ST6GAL2: variants seen among roughly 807,000 people sequenced by gnomAD.
ST6GAL2 encodes the protein ST6 beta-galactoside alpha-2,6-sialyltransferase 2.
Under a neutral mutation model 37.5 loss-of-function variants are expected in ST6GAL2, and 24 were observed. The observed-to-expected ratio is 0.64, with a 90% confidence interval of 0.46 to 0.90. ST6GAL2 has a LOEUF of 0.90. ST6GAL2 is among the 40% of genes least tolerant of loss of function. ST6GAL2 has a pLI of 0.00. For missense variants in ST6GAL2, 715 were observed against 712.7 expected (o/e 1.00, Z -0.04); for synonymous variants, 306 against 295.1 (o/e 1.04, Z -0.38).
At chr2:106,863,208 G>T (rs1357866499) in intron 1 of ST6GAL2, among the ~76,000 whole-genome samples, 1 of 152,122 alleles carries the variant, frequency 6.6e-6, no homozygotes, top group East Asian at 1.9e-4. Context: ...AGGACAGGTT[G>T]CCTGGCTCAC....
intron 1 of ST6GAL2, among the ~76,000 whole-genome samples, chr2:106,873,373 G>C (rs923117950): frequency 6.6e-6 from 1 of 152,162 alleles, no homozygotes; most frequent in Non-Finnish European, 1.5e-5. Context: ...CTCCCCCTGG[G>C]GCAGAAGTAC....
intron 1 of ST6GAL2, among the ~76,000 whole-genome samples, chr2:106,853,358 A>G (rs1677451571): frequency 6.6e-6 from 1 of 152,216 alleles, no homozygotes; most frequent in African/African-American, 2.4e-5. Context: ...CAAAGAGACT[A>G]CAGGTGTTAG....
intron 2 of ST6GAL2, among the ~76,000 whole-genome samples, chr2:106,838,365 G>A (rs1053381143): frequency 2.0e-5 from 3 of 152,170 alleles, no homozygotes; most frequent in Admixed American, 6.5e-5. Context: ...CTACACTGAT[G>A]AGAAAATTCA....
At chr2:106,860,806 T>C (rs566943075) in intron 1 of ST6GAL2, among the ~76,000 whole-genome samples, 12 of 152,334 alleles carry the variant, frequency 7.9e-5, no homozygotes, top group African/African-American at 2.9e-4. Context: ...CCCTCACAAA[T>C]GGTTTTGGCT....
At chr2:106,840,979 C>A (rs1676857308) in intron 2 of ST6GAL2, among the ~76,000 whole-genome samples, 1 of 152,130 alleles carries the variant, frequency 6.6e-6, no homozygotes, top group African/African-American at 2.4e-5. Flanking sequence ...ACCCCGGGGA[C>A]CTCTAAACCA....
At chr2:106,857,954 G>C (rs933674790) in intron 1 of ST6GAL2, among the ~76,000 whole-genome samples, 2 of 152,174 alleles carry the variant, frequency 1.3e-5, no homozygotes, top group Admixed American at 1.3e-4. Flanking sequence ...GATACTACTA[G>C]ATTATGAGCA....
chr2:106,804,737 G>A lies in ST6GAL2; in HGVS notation c.*1941C>T, dbSNP rs1175325200. ...GTGCCTGTAGTCCCCAGCTACTCAG[G>A]AGGCTGAGGCAGGAGAATGGTGTGA... is the stretch of plus-strand genomic sequence containing the variant. On this transcript the variant is annotated 3_prime_UTR_variant, in exon 6 of 6. Transcript: ENST00000409382. The A allele has an allele frequency of 6.6e-6, 1 of 151,444 alleles. No individual in the cohort carries two copies. Among genetic ancestry groups the A allele is most frequent in the Admixed American group, 6.6e-5 (1 of 15,192 alleles). 9.4% of individuals were successfully genotyped at this position (151,444 alleles called of 1,614,324 possible). A position where few individuals can be genotyped will look rare whatever the true frequency, so the allele number is the denominator to read the frequency against.
At chr2:106,858,096 A>G (rs1293188633) in intron 1 of ST6GAL2, among the ~76,000 whole-genome samples, 2 of 152,150 alleles carry the variant, frequency 1.3e-5, no homozygotes, top group East Asian at 3.9e-4. Flanking sequence ...AGCAGCATAA[A>G]AGCTTTTTTG....
intron 5 of ST6GAL2, among the ~76,000 whole-genome samples, chr2:106,819,592 T>C (rs1675925540): frequency 6.6e-6 from 1 of 152,010 alleles, no homozygotes; most frequent in Non-Finnish European, 1.5e-5. Flanking sequence ...AAACTAGATA[T>C]ATCCAACAAG....
chr2:106,813,775 T>A (rs1018998893), intron 5 of ST6GAL2, among the ~76,000 whole-genome samples: 2 of 152,168 alleles, frequency 1.3e-5, no homozygotes, highest in African/African-American at 4.8e-5. Context: ...TTTAAATCAA[T>A]TCTAATAAAC....
chr2:106,862,689 C>T (rs1174735462), intron 1 of ST6GAL2, among the ~76,000 whole-genome samples: 1 of 151,826 alleles, frequency 6.6e-6, no homozygotes, highest in East Asian at 1.9e-4. Flanking sequence ...CCCAATTCTG[C>T]AATAAAACAA....
intron 1 of ST6GAL2, among the ~76,000 whole-genome samples, chr2:106,870,053 G>A (rs546315513): frequency 6.6e-6 from 1 of 152,340 alleles, no homozygotes; most frequent in East Asian, 1.9e-4. Flanking sequence ...AAGATGGCCA[G>A]TGAGAGGAGG....
intron 1 of ST6GAL2, among the ~76,000 whole-genome samples, chr2:106,845,393 AGAG>A (rs1338626309): frequency 3.3e-5 from 5 of 152,186 alleles, no homozygotes; most frequent in Admixed American, 2.0e-4. Flanking sequence ...CAAGTAAGGT[AGAG>A]AAGAGTGCAG....
intron 5 of ST6GAL2, among the ~76,000 whole-genome samples, chr2:106,812,298 T>C (rs1175706546): frequency 1.3e-5 from 2 of 152,206 alleles, no homozygotes; most frequent in Non-Finnish European, 2.9e-5. Context: ...AAATTTCTGT[T>C]GTTTAACACA....
chr2:106,851,846 T>C (rs1201466829), intron 1 of ST6GAL2, among the ~76,000 whole-genome samples: 15 of 152,194 alleles, frequency 9.9e-5, no homozygotes, highest in East Asian at 1.9e-4. Flanking sequence ...AGATTTAGCA[T>C]GTGAGCTGTG....
At chr2:106,865,942 G>C (rs945564715) in intron 1 of ST6GAL2, among the ~76,000 whole-genome samples, 1 of 152,160 alleles carries the variant, frequency 6.6e-6, no homozygotes, top group Admixed American at 6.5e-5. Flanking sequence ...CAGTTCCAGA[G>C]GTGACATTTA....
Position 106,844,050 on chromosome 2 carries a change from A to C in ST6GAL2, c.-57-16T>G. 1 of 1,304,112 alleles carries C rather than the reference A, an allele frequency of 7.7e-7. No homozygotes were observed. 80.8% of individuals were successfully genotyped at this position (1,304,112 alleles called of 1,614,324 possible). A position where few individuals can be genotyped will look rare whatever the true frequency, so the allele number is the denominator to read the frequency against. ...CAGAATGAACCTGAAAAACAGCCAG[A>C]TGGCAGTTAGCCAACATGGGGCATC... is the stretch of plus-strand genomic sequence containing the variant. On this transcript the variant is annotated splice_polypyrimidine_tract_variant and intron_variant, in intron 1 of 5. Transcript: ENST00000409382.
rs1361942451 is a variant in ST6GAL2, at chr2:106,884,914, TATATATATATATATATATATAC to T, written c.-58+1157_-58+1178del. Among the ~76,000 whole-genome samples, 10 of 115,050 alleles carry T rather than the reference TATATATATATATATATATATAC, an allele frequency of 8.7e-5. No individual in the cohort carries two copies. The East Asian group carries it at 1.1e-3, about 12-fold the overall frequency. The allele number at this position is 115,050 out of a possible 152,430, so 75.5% of individuals were successfully genotyped here. A position where few individuals can be genotyped will look rare whatever the true frequency, so the allele number is the denominator to read the frequency against. ...ACCCTAAATTTGCAGCGCATATATA[TATATATATATATATATATATAC>T]ATACACACACACACATATATACATA... On this transcript the variant is annotated intron_variant, in intron 1 of 5. Transcript: ENST00000409382.
intron 1 of ST6GAL2, among the ~76,000 whole-genome samples, chr2:106,878,984 A>G (rs527577173): frequency 6.6e-6 from 1 of 152,292 alleles, no homozygotes; most frequent in Admixed American, 6.5e-5. Context: ...GATTATACTC[A>G]TGGGCTTCCA....
Sources: gnomAD v4.1 joint callset for allele counts (sites outside exome capture counted in the v4.1 genomes callset) on GRCh38, gnomAD v4.1.1 for gene constraint, MANE v1.5 for transcripts, NCBI Gene and HGNC (gene_info 2026-07-23, HGNC 2026-07-21) for gene names.